The following LPGAT1 variants were observed in gnomAD, a reference collection of about 807,000 sequenced individuals.
The protein encoded by LPGAT1 is lysophosphatidylglycerol acyltransferase 1, also known as acyl-CoA:lysophosphatidylglycerol acyltransferase 1.
LPGAT1 carries 11 observed loss-of-function variants against 47.5 expected under a neutral mutation model. The observed-to-expected ratio is 0.23, with a 90% CI of 0.15 to 0.38. LPGAT1 has a LOEUF of 0.38. Ranked by LOEUF, LPGAT1 falls within the 10% of genes least tolerant of loss-of-function variation. The pLI is 1.00. For missense variants in LPGAT1, 293 were observed against 439.0 expected (o/e 0.67, Z 2.97); for synonymous variants, 138 against 144.2 (o/e 0.96, Z 0.31).
At chr1:211,778,172 C>A (rs1658486691) in intron 6 of LPGAT1, among the ~76,000 whole-genome samples, 1 of 152,222 alleles carries the variant, frequency 6.6e-6, no homozygotes, top group East Asian at 1.9e-4. Flanking sequence ...GAAACCCCGT[C>A]TCTACTAAAA....
Position 211,744,485 on chromosome 1 carries a change from TGCC to T in LPGAT1, c.*5411_*5413del, listed in dbSNP as rs1002761261. ...GGAAATGAGTTAGATTTGGACAGTCTGCCATTTTTCAAATCACAGTTGAAAGAC... is the reference window on the plus strand; with the variant it reads ...GGAAATGAGTTAGATTTGGACAGTCTATTTTTCAAATCACAGTTGAAAGAC... On this transcript the variant is annotated 3_prime_UTR_variant, in exon 8 of 8. Coordinates refer to ENST00000366997, the MANE Select transcript of LPGAT1 (RefSeq NM_014873.3). The T allele has an allele frequency of 4.6e-5, 7 of 152,230 alleles. No homozygotes were observed. Among genetic ancestry groups the T allele is most frequent in the African/African-American group, 1.7e-4 (7 of 41,470 alleles). 9.4% of individuals were successfully genotyped at this position (152,230 alleles called of 1,614,324 possible).
chr1:211,799,583 G>A (rs1659487393), intron 2 of LPGAT1, among the ~76,000 whole-genome samples: 1 of 152,184 alleles, frequency 6.6e-6, no homozygotes. Context: ...TGCCCTTGCA[G>A]CCCCTAAAGT....
intron 6 of LPGAT1, among the ~76,000 whole-genome samples, chr1:211,771,095 T>C (rs1658148847): frequency 6.9e-6 from 1 of 143,970 alleles, no homozygotes. Context: ...AGAGACACTA[T>C]CTCAAAAAAA....
chr1:211,782,415 T>C lies in LPGAT1; in HGVS notation c.727+814A>G, dbSNP rs1181054272. ...ACTTAATGCTCTTAATACTATCAAA[T>C]TGCATTAAATTAGTTCTCTGCATTA... On this transcript the variant is annotated intron_variant, in intron 5 of 7. Coordinates refer to ENST00000366997, the MANE Select transcript of LPGAT1 (RefSeq NM_014873.3). Among the ~76,000 whole-genome samples the C allele has an allele frequency of 2.0e-5, 3 of 152,174 alleles. No homozygotes were observed. In the East Asian group the frequency reaches 5.8e-4, roughly 29 times the overall value.
At chr1:211,825,183 GTCT>G (rs1571773199) in intron 2 of LPGAT1, among the ~76,000 whole-genome samples, 3 of 126,274 alleles carry the variant, frequency 2.4e-5, no homozygotes, top group East Asian at 4.8e-4. Context: ...TTCATGCACA[GTCT>G]TCTTTTTTTT....
Position 211,747,178 on chromosome 1 carries a change from A to AT in LPGAT1, c.*2720dup, listed in dbSNP as rs1656977905. The stretch of plus-strand genomic sequence containing the variant: ...TATTGCTGCTTCCCCAGATTGCCAT[A>AT]TAAGAATACTGATTCTCTCTTTACC... On this transcript the variant is annotated 3_prime_UTR_variant, in exon 8 of 8. Coordinates refer to ENST00000366997, the MANE Select transcript of LPGAT1 (RefSeq NM_014873.3). 1 of 152,210 alleles carries AT rather than the reference A, an allele frequency of 6.6e-6. No individual in the cohort carries two copies. The highest frequency in any genetic ancestry group is 6.5e-5 in the Admixed American group (1 of 15,288). 9.4% of individuals were successfully genotyped at this position (152,210 alleles called of 1,614,324 possible).
At chr1:211,813,310 G>A (rs970434210) in intron 2 of LPGAT1, among the ~76,000 whole-genome samples, 4 of 152,068 alleles carry the variant, frequency 2.6e-5, no homozygotes, top group Non-Finnish European at 4.4e-5. Flanking sequence ...GCTCCACCCC[G>A]ATGTACTGAT....
chr1:211,751,809 A>C lies in LPGAT1; in HGVS notation c.855-742T>G, dbSNP rs944517493. 4.6e-5 allele frequency among the ~76,000 whole-genome samples: 7 copies of C among 152,204 alleles called. No homozygotes were observed. The East Asian group carries it at 1.2e-3, about 25-fold the overall frequency. On this transcript the variant is annotated intron_variant, in intron 6 of 7. Transcript: ENST00000366997. Reference sequence around the variant, plus strand: ...AAGGCACATGGTTTAAAAAGTCAGCAAAAAATATATTTGTATGAAAAATGG... The same window carrying C: ...AAGGCACATGGTTTAAAAAGTCAGCCAAAAATATATTTGTATGAAAAATGG...
At chr1:211,825,083 C>T (rs1012178673) in intron 2 of LPGAT1, among the ~76,000 whole-genome samples, 9 of 152,050 alleles carry the variant, frequency 5.9e-5, no homozygotes, top group African/African-American at 2.2e-4. Flanking sequence ...CAGCTCCCTT[C>T]CAGCCAGACT....
chr1:211,788,562 A>G (rs1375857491), intron 3 of LPGAT1, among the ~76,000 whole-genome samples: 15 of 152,058 alleles, frequency 9.9e-5, no homozygotes, highest in Admixed American at 7.2e-4. Flanking sequence ...CGTGCCTGTA[A>G]TCCCAGCTAC....
At chr1:211,829,719 TC>T in intron 1 of LPGAT1, 1 of 1,019,496 alleles carries the variant, frequency 9.8e-7, no homozygotes. Context: ...CGAAACAGGG[TC>T]CCCTCAATAA....
At chr1:211,819,923 T>C (rs894259351) in intron 2 of LPGAT1, among the ~76,000 whole-genome samples, 1 of 151,786 alleles carries the variant, frequency 6.6e-6, no homozygotes, top group Admixed American at 6.6e-5. Flanking sequence ...GGCAAGAGGT[T>C]GCAGTGAGCC....
intron 6 of LPGAT1, among the ~76,000 whole-genome samples, chr1:211,755,708 A>T (rs1657414431): frequency 6.6e-6 from 1 of 152,030 alleles, no homozygotes; most frequent in South Asian, 2.1e-4. Context: ...GAAAAAAAAA[A>T]AAAGAACTCA....
intron 2 of LPGAT1, among the ~76,000 whole-genome samples, chr1:211,826,671 A>G (rs1363743259): frequency 1.4e-4 from 21 of 150,278 alleles, no homozygotes; most frequent in Non-Finnish European, 2.7e-4. Flanking sequence ...AAAAAGATAT[A>G]TATATATATA....
Position 211,748,686 on chromosome 1 carries a change from AAAAAAAG to A in LPGAT1, c.*1206_*1212del, listed in dbSNP as rs1297396384. ...GGTGACAGAGTAAGACCTGTCTAAA[AAAAAAAG>A]AAAAAAGAAAAAGCAACTGGAAGAG... is the stretch of plus-strand genomic sequence containing the variant. On this transcript the variant is annotated 3_prime_UTR_variant, in exon 8 of 8. Transcript: ENST00000366997. The A allele has an allele frequency of 2.0e-5, 3 of 152,940 alleles. No individual in the cohort carries two copies. The highest frequency in any genetic ancestry group is 4.8e-5 in the African/African-American group (2 of 41,448). 9.5% of individuals were successfully genotyped at this position (152,940 alleles called of 1,614,324 possible).
intron 2 of LPGAT1, among the ~76,000 whole-genome samples, chr1:211,798,469 G>C (rs1293785761): frequency 6.6e-6 from 1 of 152,260 alleles, no homozygotes; most frequent in Admixed American, 6.5e-5. Context: ...AGGACCCCTT[G>C]AGGCCAGGAG....
In LPGAT1 at chr1:211,749,030, G is replaced by C. The variant is rs1440267400; in HGVS notation, c.*869C>G. The C allele has an allele frequency of 6.6e-6, 1 of 152,640 alleles. No individual in the cohort carries two copies. Among genetic ancestry groups the C allele is most frequent in the African/African-American group, 2.4e-5 (1 of 41,468 alleles). 9.5% of individuals were successfully genotyped at this position (152,640 alleles called of 1,614,324 possible). A position where few individuals can be genotyped will look rare whatever the true frequency, so the allele number is the denominator to read the frequency against. ...AGGCATCACGTCAGGGTGGTGTCCA[G>C]GGCAGGATGGCGCTGGAGAGCACTG... On this transcript the variant is annotated 3_prime_UTR_variant, in exon 8 of 8. Transcript: ENST00000366997.
At chr1:211,797,242 C>T (rs974524698) in intron 2 of LPGAT1, among the ~76,000 whole-genome samples, 1 of 151,398 alleles carries the variant, frequency 6.6e-6, no homozygotes, top group Admixed American at 6.6e-5. Context: ...GGTGACAAAG[C>T]GAGACTCTGT....
intron 6 of LPGAT1, among the ~76,000 whole-genome samples, chr1:211,775,442 C>T (rs1658355171): frequency 6.6e-6 from 1 of 152,082 alleles, no homozygotes; most frequent in South Asian, 2.1e-4. Context: ...TCCCAGCCAC[C>T]CAGAGCCACA....
Sources: gnomAD v4.1 joint callset for allele counts (sites outside exome capture counted in the v4.1 genomes callset) on GRCh38, gnomAD v4.1.1 for gene constraint, MANE v1.5 for transcripts, NCBI Gene and HGNC (gene_info 2026-07-23, HGNC 2026-07-21) for gene names.